ARHGAP35: variants seen among roughly 807,000 people sequenced by gnomAD.
ARHGAP35 encodes Rho GTPase activating protein 35.
Under a neutral mutation model 111.1 loss-of-function variants are expected in ARHGAP35, and 15 were observed. The observed-to-expected ratio is 0.13, with a 90% CI of 0.09 to 0.21. The LOEUF is 0.21. Ranked by LOEUF, ARHGAP35 falls within the 10% of genes least tolerant of loss-of-function variation. The pLI, the probability that ARHGAP35 is intolerant of heterozygous loss-of-function variation, is 1.00. For missense variants in ARHGAP35, 1,262 were observed against 1,873.0 expected (o/e 0.67, Z 6.02); for synonymous variants, 643 against 710.3 (o/e 0.91, Z 1.51).
At chr19:46,978,217 C>A (rs765589081) in intron 3 of ARHGAP35, among the ~76,000 whole-genome samples, 1 of 152,178 alleles carries the variant, frequency 6.6e-6, no homozygotes, top group Non-Finnish European at 1.5e-5. Context: ...CTGCCTGAGG[C>A]TTACAGGCTT....
intron 1 of ARHGAP35, among the ~76,000 whole-genome samples, chr19:46,878,452 G>A (rs1017759197): frequency 6.6e-6 from 1 of 151,990 alleles, no homozygotes; most frequent in Non-Finnish European, 1.5e-5. Flanking sequence ...GAGTAGCTGG[G>A]TCTAGAGATG....
intron 3 of ARHGAP35, among the ~76,000 whole-genome samples, chr19:46,953,637 T>C (rs2056424038): frequency 6.6e-6 from 1 of 152,192 alleles, no homozygotes; most frequent in South Asian, 2.1e-4. Flanking sequence ...CATTCTGCTA[T>C]TCCTTTCTCT....
At chr19:46,906,418 A>G (rs2056108127) in intron 1 of ARHGAP35, among the ~76,000 whole-genome samples, 1 of 152,216 alleles carries the variant, frequency 6.6e-6, no homozygotes. Context: ...AGGGCTCCCC[A>G]GGGCACTGCT....
In ARHGAP35 at chr19:46,922,049, C is replaced by A. The variant is rs769849650; in HGVS notation, c.3374C>A (p.Ala1125Asp). 1 of 1,614,024 alleles carries A rather than the reference C, an allele frequency of 6.2e-7. No homozygotes were observed. The highest frequency in any genetic ancestry group is 8.5e-7 in the Non-Finnish European group (1 of 1,179,892). ...KIITIRNINK[A>D]QSNGSGNGSD... is the part of the protein sequence containing the mutation. ...ATCACCATTCGGAATATCAACAAAG[C>A]CCAGTCCAACGGCAGCGGGAATGGT... The change falls in exon 2 of 7, where the codon GCC (alanine) becomes GAC (aspartate). Residue 1125 changes from alanine to aspartate, a missense_variant. This residue lies in a region of ARHGAP35 where 579 missense variants were observed against 716.9 expected (regional missense o/e 0.81). Coordinates refer to ENST00000672722, the MANE Select transcript of ARHGAP35 (RefSeq NM_004491.5). The surrounding 1 kb of genome is among the most constrained non-coding windows in gnomAD (Gnocchi z 4.0).
chr19:46,878,866 C>T (rs2055941574), intron 1 of ARHGAP35, among the ~76,000 whole-genome samples: 1 of 152,136 alleles, frequency 6.6e-6, no homozygotes, highest in Non-Finnish European at 1.5e-5. Context: ...ATGCTGATGG[C>T]TTCTGACTCA....
Position 46,919,836 on chromosome 19 carries a change from A to G in ARHGAP35, c.1161A>G (p.Pro387=). The change falls in exon 2 of 7, where the codon CCA becomes CCG. Residue 387 remains proline, a synonymous_variant. Coordinates refer to ENST00000672722, the MANE Select transcript of ARHGAP35 (RefSeq NM_004491.5). This position sits in a 1 kb window ranked among gnomAD's most constrained non-coding sequence, Gnocchi z 6.2. ...LKWFVVLEET[P]WDATSHIDNM... The stretch of plus-strand genomic sequence containing the variant: ...GGTTTGTTGTGCTTGAAGAGACCCC[A>G]TGGGATGCCACCAGTCACATTGACA... 3.7e-6 allele frequency: 6 copies of G among 1,614,040 alleles called. No individual in the cohort carries two copies. Among genetic ancestry groups the G allele is most frequent in the Non-Finnish European group, 4.2e-6 (5 of 1,179,896 alleles).
intron 3 of ARHGAP35, among the ~76,000 whole-genome samples, chr19:46,973,327 G>A (rs1017304142): frequency 6.6e-6 from 1 of 152,070 alleles, no homozygotes; most frequent in Admixed American, 6.5e-5. Flanking sequence ...TCGTGCCGCT[G>A]CACTCCAGCC....
intron 1 of ARHGAP35, among the ~76,000 whole-genome samples, chr19:46,897,177 G>A (rs1441462133): frequency 6.6e-6 from 1 of 151,982 alleles, no homozygotes; most frequent in Non-Finnish European, 1.5e-5. Flanking sequence ...GGGGTTACAG[G>A]CGTGAGCCAT....
At chr19:46,863,183 G>C (rs1183511319) in intron 1 of ARHGAP35, among the ~76,000 whole-genome samples, 2 of 152,000 alleles carry the variant, frequency 1.3e-5, no homozygotes, top group African/African-American at 4.8e-5. Flanking sequence ...TCCCCTTTCA[G>C]GCATATCTTT....
At chr19:46,865,142 C>G (rs2055848336) in intron 1 of ARHGAP35, among the ~76,000 whole-genome samples, 1 of 152,168 alleles carries the variant, frequency 6.6e-6, no homozygotes, top group South Asian at 2.1e-4. Context: ...GGATTGGGTG[C>G]TACAGAAATG....
At chr19:46,898,255 A>AT (rs1175804615) in intron 1 of ARHGAP35, among the ~76,000 whole-genome samples, 1 of 151,856 alleles carries the variant, frequency 6.6e-6, no homozygotes, top group African/African-American at 2.4e-5. Context: ...AAAAAAAAAA[A>AT]CAAAAAGAAG....
At chr19:46,895,466 G>A (rs1244769054) in intron 1 of ARHGAP35, among the ~76,000 whole-genome samples, 1 of 152,098 alleles carries the variant, frequency 6.6e-6, no homozygotes, top group Non-Finnish European at 1.5e-5. Flanking sequence ...CGCCCAGCCG[G>A]GCAAAATCTT....
intron 1 of ARHGAP35, among the ~76,000 whole-genome samples, chr19:46,914,044 TTAAA>T (rs1482701436): frequency 6.6e-6 from 1 of 152,218 alleles, no homozygotes; most frequent in Non-Finnish European, 1.5e-5. Context: ...GACCAAGCAC[TTAAA>T]GTTATTTCCT....
At chr19:46,991,297 C>T (rs1249003473) in intron 5 of ARHGAP35, among the ~76,000 whole-genome samples, 1 of 152,206 alleles carries the variant, frequency 6.6e-6, no homozygotes, top group African/African-American at 2.4e-5. Flanking sequence ...TGCTGGAAGC[C>T]GGGAATTCCT....
Position 46,921,303 on chromosome 19 carries a change from A to G in ARHGAP35, c.2628A>G (p.Glu876=), listed in dbSNP as rs373792979. The G allele has an allele frequency of 6.2e-7, 1 of 1,613,880 alleles. No individual in the cohort carries two copies. Among genetic ancestry groups the G allele is most frequent in the African/African-American group, 1.3e-5 (1 of 74,902 alleles). ...SLAMLRAFLC[E]VQDIIPIQLV... ...CTATGTTACGTGCCTTTCTTTGTGA[A>G]GTGCAGGATATTATCCCTATTCAGC... is the stretch of plus-strand genomic sequence containing the variant. The change falls in exon 2 of 7, where the codon GAA becomes GAG. Residue 876 remains glutamate, a synonymous_variant. Coordinates refer to ENST00000672722, the MANE Select transcript of ARHGAP35 (RefSeq NM_004491.5). The surrounding 1 kb of genome is among the most constrained non-coding windows in gnomAD (Gnocchi z 4.3).
chr19:46,988,441 T>TAC lies in ARHGAP35; in HGVS notation c.3904+375_3904+376insAC. The stretch of plus-strand genomic sequence containing the variant: ...AGTCGGGTTGAGATGTGATCCTGTT[T>TAC]TGCCAGGGCCTCAGATCTACCCTCC... On this transcript the variant is annotated intron_variant, in intron 4 of 6. Coordinates refer to ENST00000672722, the MANE Select transcript of ARHGAP35 (RefSeq NM_004491.5). This position sits in a 1 kb window ranked among gnomAD's most constrained non-coding sequence, Gnocchi z 5.4. 2 of 229,384 alleles carry TAC rather than the reference T, an allele frequency of 8.7e-6. No homozygotes were observed. Among genetic ancestry groups the TAC allele is most frequent in the East Asian group, 1.3e-4 (1 of 7,594 alleles). The allele number at this position is 229,384 out of a possible 1,614,324, so 14.2% of individuals were successfully genotyped here.
At chr19:46,970,555 T>C (rs1461199965) in intron 3 of ARHGAP35, among the ~76,000 whole-genome samples, 8 of 152,164 alleles carry the variant, frequency 5.3e-5, no homozygotes, top group African/African-American at 1.9e-4. Context: ...CTGTGGATGG[T>C]GCAGAGTCTA....
At chr19:46,927,630 G>A (rs2056246257) in intron 2 of ARHGAP35, among the ~76,000 whole-genome samples, 1 of 152,138 alleles carries the variant, frequency 6.6e-6, no homozygotes, top group Non-Finnish European at 1.5e-5. Flanking sequence ...GTGTTTTTGT[G>A]CATTTATTGA....
chr19:46,968,970 C>T (rs1418952460), intron 3 of ARHGAP35, among the ~76,000 whole-genome samples: 1 of 151,972 alleles, frequency 6.6e-6, no homozygotes, highest in Non-Finnish European at 1.5e-5. Flanking sequence ...GCCTGTAATC[C>T]CAGCTATTCA....
Sources: gnomAD v4.1 joint callset for allele counts (sites outside exome capture counted in the v4.1 genomes callset) on GRCh38, gnomAD v4.1.1 for gene constraint, gnomAD v4.1.1 regional missense constraint, Gnocchi (gnomAD v3.1) non-coding constraint, MANE v1.5 for transcripts, NCBI Gene and HGNC (gene_info 2026-07-23, HGNC 2026-07-21) for gene names.